The following GPATCH2 variants were observed in gnomAD, a reference collection of about 807,000 sequenced individuals.
GPATCH2 encodes the protein G patch domain-containing protein 2.
A neutral mutation model predicts 58.0 loss-of-function variants in GPATCH2; 51 were observed. That is an observed-to-expected ratio of 0.88 (90% confidence interval 0.70 to 1.11). The LOEUF (loss-of-function observed/expected upper bound fraction) is 1.11, where lower values mean the gene tolerates loss of function less well. GPATCH2 is among the 50% of genes most tolerant of loss of function. The pLI, the probability that GPATCH2 is intolerant of heterozygous loss-of-function variation, is 0.00. For missense variants in GPATCH2, 625 were observed against 652.2 expected, an observed-to-expected ratio of 0.96 and a Z score of 0.45; for synonymous variants, 222 against 218.5, an observed-to-expected ratio of 1.02 and a Z score of -0.14.
chr1:217,513,974 G>T (rs540590769), intron 6 of GPATCH2, among the ~76,000 whole-genome samples: 1 of 151,622 alleles, frequency 6.6e-6, no homozygotes, highest in South Asian at 2.1e-4. Flanking sequence ...ACAGGCATGC[G>T]CCACCACGAC....
In GPATCH2 at chr1:217,429,007, G is replaced by C. The variant is rs1487918191; in HGVS notation, c.*2138C>G. The C allele has an allele frequency of 6.6e-6, 1 of 152,034 alleles. No individual in the cohort carries two copies. The highest frequency in any genetic ancestry group is 1.5e-5 in the Non-Finnish European group (1 of 68,018). The allele number at this position is 152,034 out of a possible 1,614,324, so 9.4% of individuals were successfully genotyped here. ...CCAAGTCCTCAGGAGTGTGGAACCA[G>C]GCTAACAATGACCTCATTGTTTGCT... On this transcript the variant is annotated 3_prime_UTR_variant, in exon 10 of 10. Coordinates refer to ENST00000366935, the MANE Select transcript of GPATCH2 (RefSeq NM_018040.5).
At chr1:217,498,183 A>C in intron 7 of GPATCH2, 173 bp downstream of exon 7, 2 of 728,294 alleles carry the variant, frequency 2.7e-6, no homozygotes, top group Non-Finnish European at 5.0e-6. Context: ...ATGCTGATTA[A>C]GGATCACGCA....
intron 3 of GPATCH2, among the ~76,000 whole-genome samples, chr1:217,613,491 G>A (rs1463101288): frequency 6.6e-6 from 1 of 151,958 alleles, no homozygotes; most frequent in African/African-American, 2.4e-5. Context: ...AGCGTAAAAG[G>A]GAAACAATCA....
chr1:217,436,423 A>T (rs1019265367), intron 9 of GPATCH2, among the ~76,000 whole-genome samples: 3 of 152,232 alleles, frequency 2.0e-5, no homozygotes, highest in East Asian at 1.9e-4. Flanking sequence ...CCACACAGTG[A>T]GTAAGCTAGG....
intron 5 of GPATCH2, among the ~76,000 whole-genome samples, chr1:217,530,870 A>G (rs757856679): frequency 6.6e-6 from 1 of 152,216 alleles, no homozygotes; most frequent in Non-Finnish European, 1.5e-5. Flanking sequence ...AATAAAACAC[A>G]GAAGTATTTT....
chr1:217,505,719 T>G (rs1019900790), intron 6 of GPATCH2, among the ~76,000 whole-genome samples: 22 of 152,222 alleles, frequency 1.4e-4, no homozygotes, highest in African/African-American at 5.3e-4. Flanking sequence ...CATTTTAACT[T>G]AATAGTGGGG....
At chr1:217,553,277 A>T (rs1350112592) in intron 5 of GPATCH2, among the ~76,000 whole-genome samples, 1 of 152,182 alleles carries the variant, frequency 6.6e-6, no homozygotes, top group African/African-American at 2.4e-5. Context: ...TCATTTTAAG[A>T]ACCTCATAAT....
chr1:217,559,018 C>G (rs1451631552), intron 5 of GPATCH2, among the ~76,000 whole-genome samples: 2 of 152,036 alleles, frequency 1.3e-5, no homozygotes, highest in Admixed American at 1.3e-4. Context: ...ACTCAACTGA[C>G]CACACGGCTC....
At chr1:217,481,648 A>G (rs1408236650) in intron 8 of GPATCH2, among the ~76,000 whole-genome samples, 2 of 152,178 alleles carry the variant, frequency 1.3e-5, no homozygotes, top group Non-Finnish European at 2.9e-5. Context: ...CTTTGAGGCC[A>G]GGAGTTCAAG....
At position 217,530,647 on chromosome 1, in the gene GPATCH2, C is replaced by A. The variant is rs533741138; in HGVS notation, c.1099-15758G>T. ...CAGTGAATTAACTGAAAATAAAAAT[C>A]AAATGAATAATTTTTTTCTCGTGAT... is the stretch of plus-strand genomic sequence containing the variant. On this transcript the variant is annotated intron_variant, in intron 5 of 9. Coordinates refer to ENST00000366935, the MANE Select transcript of GPATCH2 (RefSeq NM_018040.5). Among the ~76,000 whole-genome samples the A allele has an allele frequency of 2.0e-5, 3 of 152,182 alleles. No homozygotes were observed. In the South Asian group the frequency reaches 6.2e-4, roughly 32 times the overall value.
At chr1:217,440,395 A>G (rs1659077664) in intron 9 of GPATCH2, among the ~76,000 whole-genome samples, 1 of 152,204 alleles carries the variant, frequency 6.6e-6, no homozygotes, top group South Asian at 2.1e-4. Flanking sequence ...ACAAACCCAC[A>G]GCCAATATCA....
At chr1:217,490,646 T>G (rs186179126) in intron 8 of GPATCH2, among the ~76,000 whole-genome samples, 1,596 of 152,330 alleles carry the variant, frequency 0.01, 11 homozygotes, top group Middle Eastern at 0.048. Context: ...TTTCTAAAAA[T>G]TATATACATT....
rs546755229 is a variant in GPATCH2, at chr1:217,625,633, A to G, written c.57-5134T>C. 2.8e-4 allele frequency among the ~76,000 whole-genome samples: 42 copies of G among 152,342 alleles called. 1 individual carries two copies. The highest frequency in any genetic ancestry group is 8.4e-4 in the African/African-American group (35 of 41,584). Reference sequence around the variant, plus strand: ...TTTCCTTGCCTAGATGCTGATAAAAACTGTGTAACAAGAGGATATGCATGT... The same window carrying G: ...TTTCCTTGCCTAGATGCTGATAAAAGCTGTGTAACAAGAGGATATGCATGT... On this transcript the variant is annotated intron_variant, in intron 1 of 9. Transcript: ENST00000366935.
At chr1:217,532,510 A>C (rs1664242285) in intron 5 of GPATCH2, among the ~76,000 whole-genome samples, 1 of 152,172 alleles carries the variant, frequency 6.6e-6, no homozygotes, top group African/African-American at 2.4e-5. Flanking sequence ...AAGACTGAAA[A>C]GGCCCCTGAA....
chr1:217,573,093 CT>C (rs1453857881), intron 5 of GPATCH2, among the ~76,000 whole-genome samples: 1 of 152,130 alleles, frequency 6.6e-6, no homozygotes, highest in African/African-American at 2.4e-5. Context: ...TAAAATGACA[CT>C]TTTTAAAGTC....
intron 1 of GPATCH2, among the ~76,000 whole-genome samples, chr1:217,627,330 T>C (rs929995589): frequency 2.6e-5 from 4 of 152,000 alleles, no homozygotes; most frequent in African/African-American, 9.7e-5. Context: ...GCCTTCAATC[T>C]TTCTGAGGTC....
At chr1:217,568,229 C>T (rs143531786) in intron 5 of GPATCH2, among the ~76,000 whole-genome samples, 1 of 152,128 alleles carries the variant, frequency 6.6e-6, no homozygotes, top group South Asian at 2.1e-4. Context: ...TATTATGCAA[C>T]CATTAAAATG....
intron 8 of GPATCH2, among the ~76,000 whole-genome samples, chr1:217,469,551 A>C (rs1437713014): frequency 2.6e-5 from 4 of 152,174 alleles, no homozygotes; most frequent in Non-Finnish European, 5.9e-5. Context: ...TATAACTCTT[A>C]AGACATTATC....
At chr1:217,477,186 A>T (rs1407551709) in intron 8 of GPATCH2, among the ~76,000 whole-genome samples, 2 of 152,052 alleles carry the variant, frequency 1.3e-5, no homozygotes, top group African/African-American at 4.8e-5. Flanking sequence ...AGGATTCATC[A>T]CTTGCTAACT....
Sources: allele counts gnomAD v4.1 joint callset (sites outside exome capture counted in the v4.1 genomes callset), GRCh38; gene constraint gnomAD v4.1.1; transcripts MANE v1.5; gene names NCBI Gene and HGNC (gene_info 2026-07-23, HGNC 2026-07-21).